NTRK3: variants seen among roughly 807,000 people sequenced by gnomAD.
NTRK3 encodes NT-3 growth factor receptor.
In NTRK3, 24 loss-of-function variants were observed where a neutral mutation model predicts 91.7. The ratio of observed to expected loss-of-function variants is 0.26; its 90% CI spans 0.19 to 0.37. The LOEUF (loss-of-function observed/expected upper bound fraction) is 0.37. Among genes scored for constraint, NTRK3 ranks in the 10% least tolerant of loss-of-function variants. NTRK3 has a pLI of 1.00. For missense variants in NTRK3, 880 were observed against 1,068.9 expected, an observed-to-expected ratio of 0.82 and a Z score of 2.46; for synonymous variants, 483 against 404.0, an observed-to-expected ratio of 1.20 and a Z score of -2.34.
chr15:87,977,293 G>A (rs1435621453), intron 14 of NTRK3: 1 of 178,010 alleles, frequency 5.6e-6, no homozygotes, highest in Non-Finnish European at 1.2e-5. Context: ...AGGAAAAAAT[G>A]CAGGTAACCT....
chr15:87,952,856 C>G (rs183724574), intron 14 of NTRK3, among the ~76,000 whole-genome samples: 6 of 152,256 alleles, frequency 3.9e-5, no homozygotes, highest in Admixed American at 3.3e-4. Context: ...TGCCCTACCC[C>G]CGCCGCCCCC....
chr15:87,932,963 G>A (rs372573713), intron 16 of NTRK3, 49 bp downstream of exon 16: 52 of 1,602,936 alleles, frequency 3.2e-5, no homozygotes, highest in Non-Finnish European at 4.4e-5. Context: ...AAACCCCAAG[G>A]GTTCGGTGGG....
chr15:88,054,631 A>G (rs1044078517), intron 13 of NTRK3, among the ~76,000 whole-genome samples: 1 of 152,298 alleles, frequency 6.6e-6, no homozygotes, highest in Non-Finnish European at 1.5e-5. Flanking sequence ...AGTTTCTGCA[A>G]AGCACTTGGT....
chr15:88,061,147 G>T (rs867370412), intron 13 of NTRK3, among the ~76,000 whole-genome samples: 3 of 151,916 alleles, frequency 2.0e-5, no homozygotes, highest in Admixed American at 6.6e-5. Flanking sequence ...TAACTTGTTT[G>T]CCAAGAAAGT....
At chr15:88,082,277 CAA>C (rs1218706062) in intron 13 of NTRK3, among the ~76,000 whole-genome samples, 4,409 of 69,978 alleles carry the variant, frequency 0.063, 206 homozygotes, top group African/African-American at 0.18. Flanking sequence ...GACTCTGTCT[CAA>C]AAAAAAAAAA....
At chr15:88,135,764 C>A (rs992730706) in intron 9 of NTRK3, 135 bp downstream of exon 9, 12 of 1,214,980 alleles carry the variant, frequency 9.9e-6, no homozygotes, top group Non-Finnish European at 1.3e-5. Flanking sequence ...TCCTGCCCTA[C>A]AAGAGTCCTT....
chr15:88,187,497 G>T (rs1597840324), intron 3 of NTRK3, among the ~76,000 whole-genome samples: 1 of 152,104 alleles, frequency 6.6e-6, no homozygotes, highest in Non-Finnish European at 1.5e-5. Context: ...GAAAAAGGCA[G>T]GCTCTAGAAA....
At chr15:88,242,199 A>G (rs1446156037) in intron 3 of NTRK3, among the ~76,000 whole-genome samples, 2 of 152,066 alleles carry the variant, frequency 1.3e-5, no homozygotes, top group African/African-American at 4.8e-5. Flanking sequence ...CACAGCCCAA[A>G]TCTTCATCTC....
In NTRK3 at chr15:87,939,726, G is replaced by A. The variant is rs141035387; in HGVS notation, c.1716+897C>T. Among the ~76,000 whole-genome samples, 11 of 152,290 alleles carry A rather than the reference G, an allele frequency of 7.2e-5. No individual in the cohort carries two copies. In the East Asian group the frequency reaches 2.1e-3, roughly 29 times the overall value. ...TGCAGGCTCTACACTGGCCTCAGAA[G>A]CCTGCTCACTGCACCCAATGAAGCC... On this transcript the variant is annotated intron_variant, in intron 15 of 18. Transcript: ENST00000394480.
intron 14 of NTRK3, among the ~76,000 whole-genome samples, chr15:88,031,623 G>C (rs1205555250): frequency 6.6e-6 from 1 of 152,110 alleles, no homozygotes; most frequent in Non-Finnish European, 1.5e-5. Flanking sequence ...ACAGATTCTG[G>C]AGAACACCCA....
chr15:88,113,027 A>G (rs1201915375), intron 13 of NTRK3, among the ~76,000 whole-genome samples: 2 of 152,178 alleles, frequency 1.3e-5, no homozygotes, highest in African/African-American at 2.4e-5. Context: ...ATTCTTTCCC[A>G]AAGACCAGAA....
chr15:87,887,277 A>T (rs1219404431), intron 17 of NTRK3, among the ~76,000 whole-genome samples: 2 of 152,226 alleles, frequency 1.3e-5, no homozygotes, highest in Non-Finnish European at 2.9e-5. Flanking sequence ...TTTATACTGC[A>T]TTCTTCCAGG....
chr15:88,068,344 T>C (rs1417949011), intron 13 of NTRK3, among the ~76,000 whole-genome samples: 3 of 152,028 alleles, frequency 2.0e-5, no homozygotes, highest in East Asian at 1.9e-4. Flanking sequence ...AGGAAGAGAA[T>C]TGCTTGAACC....
At chr15:88,055,480 C>G (rs1187709569) in intron 13 of NTRK3, among the ~76,000 whole-genome samples, 3 of 152,104 alleles carry the variant, frequency 2.0e-5, no homozygotes. Flanking sequence ...TTCAATGACC[C>G]TTGAAAACAT....
At chr15:88,130,332 T>C (rs1039476690) in intron 10 of NTRK3, among the ~76,000 whole-genome samples, 2 of 152,130 alleles carry the variant, frequency 1.3e-5, no homozygotes, top group Admixed American at 6.5e-5. Context: ...ATGATAAAAA[T>C]AGAAAAATCA....
At chr15:87,890,549 G>A (rs2065802895) in intron 17 of NTRK3, among the ~76,000 whole-genome samples, 1 of 147,614 alleles carries the variant, frequency 6.8e-6, no homozygotes. Context: ...GTTTTGGAAA[G>A]CATTACCAAT....
At chr15:88,072,742 C>G (rs1039818070) in intron 13 of NTRK3, 5 of 232,938 alleles carry the variant, frequency 2.1e-5, no homozygotes, top group Non-Finnish European at 3.4e-5. Context: ...GTTTGGCAAC[C>G]TGGCTTTTGG....
At chr15:87,997,373 T>C (rs1199222826) in intron 14 of NTRK3, among the ~76,000 whole-genome samples, 11 of 152,178 alleles carry the variant, frequency 7.2e-5, no homozygotes. Flanking sequence ...ATGCATTCTC[T>C]GTGGTAGAGT....
chr15:87,952,852 AC>A (rs919709294), intron 14 of NTRK3, among the ~76,000 whole-genome samples: 9 of 147,028 alleles, frequency 6.1e-5, no homozygotes, highest in Non-Finnish European at 9.0e-5. Flanking sequence ...TTCCTGCCCT[AC>A]CCCCGCCGCC....
Sources: allele counts gnomAD v4.1 joint callset (sites outside exome capture counted in the v4.1 genomes callset), GRCh38; gene constraint gnomAD v4.1.1; transcripts MANE v1.5; gene names NCBI Gene and HGNC (gene_info 2026-07-23, HGNC 2026-07-21).